MNT: variants seen among roughly 807,000 people sequenced by gnomAD.
The protein encoded by MNT is max-binding protein MNT.
In MNT, 13 loss-of-function variants were observed where a neutral mutation model predicts 40.7. That is an observed-to-expected ratio of 0.32 (90% confidence interval 0.21 to 0.51). The LOEUF is 0.51. Ranked by LOEUF, MNT falls within the 20% of genes least tolerant of loss-of-function variation. The pLI is 0.98. For missense variants in MNT, 757 were observed against 792.0 expected (o/e 0.96, Z 0.53); for synonymous variants, 426 against 354.8 (o/e 1.20, Z -2.26).
chr17:2,390,518 T>C (rs1408431524), intron 4 of MNT: 1 of 152,162 alleles, frequency 6.6e-6, no homozygotes, highest in Non-Finnish European at 1.5e-5. Flanking sequence ...TTTTGTGTGC[T>C]CCTTAGGAGA....
Position 2,400,658 on chromosome 17 carries a change from G to C in MNT, c.55C>G (p.Gln19Glu), listed in dbSNP as rs745968423. Residue 19 changes from glutamine to glutamate, a missense_variant, in exon 1 of 6, where the codon CAA becomes GAA. By Grantham distance (29) the Gln-to-Glu change is conservative. Around this residue, in one of 4 missense-constraint regions of MNT, gnomAD observed 335 missense variants for 291.4 expected, o/e 1.15. Transcript: ENST00000174618. ...CGCTCACCACGTGCTCTCTGTTGTT[G>C]CTGCGCTTGCCATTCCAGGAAGCGG... ...AARFLEWQAQ[Q>E]QQRAREEQER... 1.3e-6 allele frequency: 2 copies of C among 1,586,186 alleles called. No homozygotes were observed. Among genetic ancestry groups the C allele is most frequent in the Admixed American group, 1.8e-5 (1 of 57,136 alleles).
chr17:2,395,532 A>G, intron 1 of MNT, 78 bp from the exon 2 acceptor site: 2 of 1,587,282 alleles, frequency 1.3e-6, no homozygotes, highest in Non-Finnish European at 1.7e-6. Context: ...CTCTGACCCT[A>G]GCCCAGTCAG....
intron 1 of MNT, among the ~76,000 whole-genome samples, chr17:2,397,448 A>G (rs1046540179): frequency 1.3e-5 from 2 of 151,590 alleles, no homozygotes; most frequent in African/African-American, 4.9e-5. Flanking sequence ...TGAGACATGG[A>G]CTCCACTCTT....
intron 4 of MNT, among the ~76,000 whole-genome samples, chr17:2,392,337 G>A (rs919437223): frequency 2.0e-5 from 3 of 152,158 alleles, no homozygotes; most frequent in African/African-American, 4.8e-5. Context: ...GCCTGAGTGA[G>A]GCCTACCCCG....
At chr17:2,399,154 C>G (rs181577775) in intron 1 of MNT, among the ~76,000 whole-genome samples, 2 of 152,142 alleles carry the variant, frequency 1.3e-5, no homozygotes, top group South Asian at 2.1e-4. Context: ...CACAACCAAC[C>G]CTGCCGGGGG....
intron 2 of MNT, 49 bp from the exon 3 acceptor site, chr17:2,394,395 G>C (rs200435978): frequency 1.2e-6 from 2 of 1,611,716 alleles, no homozygotes; most frequent in South Asian, 2.2e-5. Context: ...TCGATTAGAC[G>C]GCCTTCCTGA....
At position 2,394,137 on chromosome 17, in the gene MNT, T is replaced by C; in HGVS notation, c.713A>G (p.Glu238Gly). 6.2e-7 allele frequency: 1 copy of C among 1,608,150 alleles called. No individual in the cohort carries two copies. Among genetic ancestry groups the C allele is most frequent in the Non-Finnish European group, 8.5e-7 (1 of 1,177,816 alleles). Residue 238 changes from glutamate to glycine, a missense_variant, in exon 4 of 6, where the codon GAG becomes GGG. This residue lies in a region of MNT where 73 missense variants were observed against 100.8 expected (regional missense o/e 0.72). Transcript: ENST00000174618. The part of the protein sequence containing the change: ...LEKNRRAHLK[E>G]CFETLKRNIP... ...GTTCCGCTTCAGGGTCTCAAAGCAC[T>C]CTTTCAGATGGGCCCTCCTGAAGAG...
chr17:2,397,062 G>A (rs1567870080), intron 1 of MNT, among the ~76,000 whole-genome samples: 1 of 152,152 alleles, frequency 6.6e-6, no homozygotes, highest in Non-Finnish European at 1.5e-5. Flanking sequence ...AAGCGGAGGG[G>A]GAAGCGTCCT....
intron 2 of MNT, 91 bp downstream of exon 2, chr17:2,394,784 A>T: frequency 1.1e-6 from 1 of 906,336 alleles, no homozygotes; most frequent in Non-Finnish European, 1.7e-6. Flanking sequence ...GGCACTTCTA[A>T]GCTGGGGAGG....
chr17:2,394,275 A>ATG (rs2066556014), intron 3 of MNT, 30 bp downstream of exon 3: 9 of 1,515,962 alleles, frequency 5.9e-6, no homozygotes, highest in Admixed American at 3.8e-5. Flanking sequence ...GCACGCACGC[A>ATG]CGCACACACA....
Position 2,400,799 on chromosome 17 carries a change from G to C in MNT, c.-87C>G, listed in dbSNP as rs1394233387. The C allele has an allele frequency of 3.4e-6, 4 of 1,185,304 alleles. No homozygotes were observed. The Admixed American group carries it at 1.5e-4, about 43-fold the overall frequency. The allele number at this position is 1,185,304 out of a possible 1,614,324, so 73.4% of individuals were successfully genotyped here. On this transcript the variant is annotated 5_prime_UTR_variant, in exon 1 of 6. Coordinates refer to ENST00000174618, the MANE Select transcript of MNT (RefSeq NM_020310.3). Reference sequence around the variant, plus strand: ...GTCAGGCTGGCGGGCAGGCAGGAGGGAGGGATCACCTCCGGGGGGCGACAG... The same window carrying C: ...GTCAGGCTGGCGGGCAGGCAGGAGGCAGGGATCACCTCCGGGGGGCGACAG...
chr17:2,398,234 T>C (rs1305125651), intron 1 of MNT, among the ~76,000 whole-genome samples: 1 of 152,242 alleles, frequency 6.6e-6, no homozygotes, highest in Admixed American at 6.5e-5. Context: ...CTGAGCCACC[T>C]CTATGAACAC....
chr17:2,388,643 C>T, intron 4 of MNT, among the ~76,000 whole-genome samples: 1 of 152,118 alleles, frequency 6.6e-6, no homozygotes, highest in South Asian at 2.1e-4. Context: ...CTCCCCATCA[C>T]CCTGCCCACT....
intron 5 of MNT, 79 bp downstream of exon 5, chr17:2,387,777 GA>G: frequency 6.5e-7 from 1 of 1,547,942 alleles, no homozygotes; most frequent in Non-Finnish European, 8.7e-7. Context: ...TAGCAGGCAA[GA>G]AAGAGCCTGG....
intron 4 of MNT, chr17:2,392,883 G>C (rs1215147382): frequency 1.3e-5 from 2 of 152,090 alleles, no homozygotes; most frequent in Admixed American, 1.3e-4. Flanking sequence ...GGAAGGGCGC[G>C]TTGGCGGGAG....
chr17:2,393,144 C>G (rs552865757), intron 4 of MNT, among the ~76,000 whole-genome samples: 3 of 150,682 alleles, frequency 2.0e-5, no homozygotes, highest in East Asian at 2.0e-4. Flanking sequence ...CGCCCACCCC[C>G]CCCCCAACGC....
At chr17:2,390,684 G>C (rs1052888068) in intron 4 of MNT, 2 of 152,150 alleles carry the variant, frequency 1.3e-5, no homozygotes, top group Non-Finnish European at 2.9e-5. Context: ...CTGTTTTGTA[G>C]CAGCTTTTCC....
chr17:2,400,856 G>C lies in MNT; in HGVS notation c.-144C>G, dbSNP rs562779545. 2 of 480,992 alleles carry C rather than the reference G, an allele frequency of 4.2e-6. No individual in the cohort carries two copies. Among genetic ancestry groups the C allele is most frequent in the African/African-American group, 4.1e-5 (2 of 48,910 alleles). 29.8% of individuals were successfully genotyped at this position (480,992 alleles called of 1,614,324 possible). A position where few individuals can be genotyped will look rare whatever the true frequency, so the allele number is the denominator to read the frequency against. On this transcript the variant is annotated 5_prime_UTR_variant, in exon 1 of 6. Transcript: ENST00000174618. ...GCGGCGCAGCGCACTCCGCAGGGAA[G>C]AACGGGGGAGCACGGGGAGAAAAAT...
chr17:2,399,642 A>G (rs558772402), intron 1 of MNT, among the ~76,000 whole-genome samples: 9 of 150,998 alleles, frequency 6.0e-5, no homozygotes, highest in African/African-American at 2.2e-4. Flanking sequence ...GCCCCTTGCC[A>G]GCCCCGCCCA....
Sources: allele counts gnomAD v4.1 joint callset (sites outside exome capture counted in the v4.1 genomes callset), GRCh38; gene constraint gnomAD v4.1.1; regional missense constraint gnomAD v4.1.1; transcripts MANE v1.5; gene names NCBI Gene and HGNC (gene_info 2026-07-23, HGNC 2026-07-21).